Variants in MID1 observed in about 807,000 individuals in gnomAD.
MID1 encodes E3 ubiquitin-protein ligase Midline-1.
Under a neutral mutation model 40.4 loss-of-function variants are expected in MID1, and 7 were observed. The observed-to-expected ratio is 0.17, with a 90% CI of 0.10 to 0.33. MID1 has a LOEUF of 0.33. Among genes scored for constraint, MID1 ranks in the 10% least tolerant of loss-of-function variants. MID1 has a pLI of 1.00. For missense variants in MID1, 367 were observed against 558.5 expected (o/e 0.66, Z 3.46); for synonymous variants, 229 against 221.2 (o/e 1.04, Z -0.31).
chrX:10,462,968 A>G lies in MID1; in HGVS notation c.1286-3161T>C, dbSNP rs1012825087. Among the ~76,000 whole-genome samples, 7 of 112,170 alleles carry G rather than the reference A, an allele frequency of 6.2e-5. No individual in the cohort carries two copies. The South Asian group carries it at 2.2e-3, about 36-fold the overall frequency. ...AGTGACTACAATAAATTAAAAACAG[A>G]TAACTACTTAGCCATTAAGGCTTGA... On this transcript the variant is annotated intron_variant, in intron 7 of 9. Coordinates refer to ENST00000317552, the MANE Select transcript of MID1 (RefSeq NM_000381.4).
At chrX:10,832,570 T>C (rs1438389039) in intron 1 of MID1, among the ~76,000 whole-genome samples, 1 of 111,768 alleles carries the variant, frequency 8.9e-6, no homozygotes, top group Non-Finnish European at 1.9e-5. Flanking sequence ...AGACGAGCAG[T>C]CAAATCATTC....
chrX:10,596,936 AGAGATCTAAAG>A (rs774693018), intron 1 of MID1, among the ~76,000 whole-genome samples: 1 of 111,412 alleles, frequency 9.0e-6, no homozygotes, highest in South Asian at 3.8e-4. Context: ...GAAGCCCTCT[AGAGATCTAAAG>A]GAGTCATGAA....
chrX:10,601,905 T>TG (rs1555909409), intron 1 of MID1, among the ~76,000 whole-genome samples: 3 of 107,797 alleles, frequency 2.8e-5, no homozygotes, highest in African/African-American at 1.0e-4. Flanking sequence ...GTTTTTGTTT[T>TG]TTTTTTTTTG....
chrX:10,716,373 C>T (rs777441519), intron 1 of MID1, among the ~76,000 whole-genome samples: 168 of 112,059 alleles, frequency 1.5e-3, no homozygotes, highest in Non-Finnish European at 1.7e-3. Context: ...CTGAAAACCA[C>T]GGCATGAGAT....
chrX:10,785,689 C>T (rs1345301693), intron 1 of MID1, among the ~76,000 whole-genome samples: 1 of 111,238 alleles, frequency 9.0e-6, no homozygotes, highest in Non-Finnish European at 1.9e-5. Context: ...TGATCTTTGA[C>T]AAACCTGACA....
intron 1 of MID1, among the ~76,000 whole-genome samples, chrX:10,758,974 C>G (rs191898979): frequency 1.8e-5 from 2 of 112,037 alleles, no homozygotes; most frequent in East Asian, 5.6e-4. Context: ...TTTTCACCGG[C>G]AGGCAAATGA....
At chrX:10,617,175 CCA>C (rs1193331416) in intron 1 of MID1, among the ~76,000 whole-genome samples, 2 of 112,022 alleles carry the variant, frequency 1.8e-5, no homozygotes, top group Non-Finnish European at 3.8e-5. Flanking sequence ...GTATTCATCC[CCA>C]GACTTGCCCC....
At chrX:10,638,849 A>G (rs142039066) in intron 1 of MID1, among the ~76,000 whole-genome samples, 4 of 112,176 alleles carry the variant, frequency 3.6e-5, no homozygotes, top group Non-Finnish European at 7.5e-5. Flanking sequence ...CTGTTCTGCA[A>G]CATTTGCTGT....
intron 3 of MID1, among the ~76,000 whole-genome samples, chrX:10,512,199 G>A (rs1932194379): frequency 8.9e-6 from 1 of 112,438 alleles, no homozygotes; most frequent in Non-Finnish European, 1.9e-5. Flanking sequence ...ACGTTCATAA[G>A]AACTGAAGAC....
chrX:10,535,201 C>T (rs185017728), intron 2 of MID1, among the ~76,000 whole-genome samples: 2 of 111,718 alleles, frequency 1.8e-5, no homozygotes, highest in African/African-American at 6.5e-5. Context: ...ATAACTTCGC[C>T]TGAGTGAGGT....
chrX:10,625,132 T>C (rs1422538884), upstream of MID1, among the ~76,000 whole-genome samples: 1 of 111,849 alleles, frequency 8.9e-6, no homozygotes, highest in East Asian at 2.8e-4. Context: ...AAAACAGGCT[T>C]ATGTAACTAT....
chrX:10,735,368 C>T (rs990485300), intron 1 of MID1, among the ~76,000 whole-genome samples: 1 of 112,519 alleles, frequency 8.9e-6, no homozygotes, highest in African/African-American at 3.2e-5. Context: ...TCCCAAAGTG[C>T]TGGGATTACA....
rs759850453 is a variant in MID1 at position 10,784,238 on chromosome X, A to G, written c.-187+49316T>C. 4.5e-5 allele frequency among the ~76,000 whole-genome samples: 5 copies of G among 110,791 alleles called. No homozygotes were observed. The East Asian group carries it at 1.4e-3, about 31-fold the overall frequency. Reference sequence around the variant, plus strand: ...TACCCACACTGACTCACAAATACAGAACTCCAAAGAACTTACACTTCACAA... The same window carrying G: ...TACCCACACTGACTCACAAATACAGGACTCCAAAGAACTTACACTTCACAA... On this transcript the variant is annotated intron_variant, in intron 1 of 10. Transcript: ENST00000380785.
chrX:10,640,689 C>T lies in MID1; in HGVS notation c.-186-20270G>A, dbSNP rs1022546379. ...CCTAATAGACATCTACAGAACTCTCCACCCCAAATCAACAGAATATACATT... is the reference window on the plus strand; with the variant it reads ...CCTAATAGACATCTACAGAACTCTCTACCCCAAATCAACAGAATATACATT... On this transcript the variant is annotated intron_variant, in intron 1 of 10. Transcript: ENST00000380785. Among the ~76,000 whole-genome samples the T allele has an allele frequency of 1.1e-4, 12 of 111,274 alleles. 1 individual carries two copies. Among genetic ancestry groups the T allele is most frequent in the Admixed American group, 1.0e-3 (11 of 10,492 alleles).
chrX:10,639,773 G>A (rs1473634909), intron 1 of MID1, among the ~76,000 whole-genome samples: 8 of 111,579 alleles, frequency 7.2e-5, no homozygotes, highest in East Asian at 2.8e-4. Flanking sequence ...GAGAAAGGTC[G>A]GGTTACCCAC....
intron 2 of MID1, among the ~76,000 whole-genome samples, chrX:10,525,252 T>G (rs1172214024): frequency 8.9e-6 from 1 of 111,990 alleles, no homozygotes; most frequent in Non-Finnish European, 1.9e-5. Flanking sequence ...AAGCAGAACT[T>G]TCTGGTTATT....
intron 1 of MID1, among the ~76,000 whole-genome samples, chrX:10,726,911 C>T (rs1434600793): frequency 8.9e-6 from 1 of 112,474 alleles, no homozygotes; most frequent in Admixed American, 9.4e-5. Flanking sequence ...TTCCTCTTTT[C>T]TGCCTGTGGC....
chrX:10,646,452 G>A (rs1359004329), intron 1 of MID1, among the ~76,000 whole-genome samples: 1 of 111,595 alleles, frequency 9.0e-6, no homozygotes, highest in African/African-American at 3.3e-5. Context: ...ATAACAGAGA[G>A]TAATTTAAAC....
At chrX:10,715,605 C>G (rs149927069) in intron 1 of MID1, among the ~76,000 whole-genome samples, 41 of 112,054 alleles carry the variant, frequency 3.7e-4, no homozygotes, top group African/African-American at 1.3e-3. Flanking sequence ...CCTCTGTAGA[C>G]TCCACCTCTA....
Sources: gnomAD v4.1 joint callset for allele counts (sites outside exome capture counted in the v4.1 genomes callset) on GRCh38, gnomAD v4.1.1 for gene constraint, MANE v1.5 for transcripts, NCBI Gene and HGNC (gene_info 2026-07-23, HGNC 2026-07-21) for gene names.